POU2F1: variants seen among roughly 807,000 people sequenced by gnomAD.
The protein encoded by POU2F1 is POU domain, class 2, transcription factor 1.
POU2F1 carries 16 observed loss-of-function variants against 84.9 expected under a neutral mutation model. The observed-to-expected ratio is 0.19, with a 90% CI of 0.13 to 0.29. The LOEUF (loss-of-function observed/expected upper bound fraction) is 0.29. POU2F1 is among the 10% of genes least tolerant of loss of function. POU2F1 has a pLI of 1.00. For missense variants in POU2F1, 738 were observed against 942.6 expected (o/e 0.78, Z 2.84); for synonymous variants, 368 against 368.3 (o/e 1.00, Z 0.01).
At chr1:167,406,630 AAAAG>A (rs975002286) in intron 13 of POU2F1, among the ~76,000 whole-genome samples, 1 of 152,234 alleles carries the variant, frequency 6.6e-6, no homozygotes, top group Non-Finnish European at 1.5e-5. Context: ...ATTCACCAAA[AAAAG>A]GTATCTAGGA....
intron 1 of POU2F1, among the ~76,000 whole-genome samples, chr1:167,320,771 T>G (rs1415046867): frequency 6.6e-6 from 1 of 152,198 alleles, no homozygotes; most frequent in Non-Finnish European, 1.5e-5. Context: ...TCTATTCTAT[T>G]TATTTGAGCC....
At chr1:167,272,390 C>CAA (rs35666628) in intron 1 of POU2F1, among the ~76,000 whole-genome samples, 8 of 82,214 alleles carry the variant, frequency 9.7e-5, no homozygotes, top group Non-Finnish European at 1.8e-4. Flanking sequence ...ATTAGGATTT[C>CAA]AAAAAAAAAA....
At chr1:167,229,971 C>T (rs1648935489) in intron 1 of POU2F1, among the ~76,000 whole-genome samples, 1 of 152,228 alleles carries the variant, frequency 6.6e-6, no homozygotes, top group Non-Finnish European at 1.5e-5. Flanking sequence ...TAGCATGACT[C>T]AACAATTCCA....
intron 2 of POU2F1, among the ~76,000 whole-genome samples, chr1:167,362,906 C>A (rs1659436065): frequency 6.6e-6 from 1 of 152,064 alleles, no homozygotes; most frequent in South Asian, 2.1e-4. Flanking sequence ...CCTGACTGGG[C>A]CCTTTGCTGT....
chr1:167,268,253 C>T lies in POU2F1; in HGVS notation c.61+47295C>T, dbSNP rs1186743524. 3.3e-5 allele frequency among the ~76,000 whole-genome samples: 5 copies of T among 152,136 alleles called. No individual in the cohort carries two copies. In the East Asian group the frequency reaches 9.6e-4, roughly 29 times the overall value. On this transcript the variant is annotated intron_variant, in intron 1 of 15. Transcript: ENST00000367866. ...TATTTATCTACTTTATTATTCATTA[C>T]AATTTCTGGGAAAATTAAATTTATT...
At chr1:167,381,318 C>T (rs556208180) in intron 7 of POU2F1, among the ~76,000 whole-genome samples, 2 of 152,296 alleles carry the variant, frequency 1.3e-5, no homozygotes, top group Admixed American at 6.5e-5. Context: ...TTCCTGACCT[C>T]ATGATCCACA....
chr1:167,262,109 C>T (rs761215506), intron 1 of POU2F1, among the ~76,000 whole-genome samples: 1 of 152,162 alleles, frequency 6.6e-6, no homozygotes, highest in Non-Finnish European at 1.5e-5. Flanking sequence ...TATTTTTAAT[C>T]ATCTCTACAG....
At chr1:167,282,177 C>G (rs533318390) in intron 1 of POU2F1, among the ~76,000 whole-genome samples, 38 of 151,376 alleles carry the variant, frequency 2.5e-4, no homozygotes, top group Non-Finnish European at 4.6e-4. Context: ...GAGTCTCGCT[C>G]TGTCGCCCAG....
chr1:167,297,957 T>C (rs538786409), intron 1 of POU2F1, among the ~76,000 whole-genome samples: 27 of 144,142 alleles, frequency 1.9e-4, no homozygotes, highest in Non-Finnish European at 3.4e-4. Flanking sequence ...CCGTCTCTAC[T>C]AAAAAAAAAA....
intron 1 of POU2F1, among the ~76,000 whole-genome samples, chr1:167,228,972 A>C (rs1356623439): frequency 6.6e-6 from 1 of 152,174 alleles, no homozygotes; most frequent in Non-Finnish European, 1.5e-5. Context: ...AATAAAACTT[A>C]GATTAAGTGA....
At chr1:167,299,425 A>T (rs1160451577) in intron 1 of POU2F1, among the ~76,000 whole-genome samples, 1 of 152,184 alleles carries the variant, frequency 6.6e-6, no homozygotes, top group Admixed American at 6.5e-5. Flanking sequence ...TATTCTTCTA[A>T]AAGGAATAAA....
At chr1:167,291,625 C>G (rs1571239073) in intron 1 of POU2F1, among the ~76,000 whole-genome samples, 1 of 151,986 alleles carries the variant, frequency 6.6e-6, no homozygotes, top group South Asian at 2.1e-4. Context: ...AAAGGAGATT[C>G]TAGGGGGTAG....
intron 1 of POU2F1, among the ~76,000 whole-genome samples, chr1:167,281,771 T>C (rs1653159470): frequency 6.6e-6 from 1 of 152,196 alleles, no homozygotes. Flanking sequence ...AGCTTTAGGC[T>C]AAACTTGGTT....
At chr1:167,220,986 A>C in intron 1 of POU2F1, 28 bp downstream of exon 1, 1 of 1,526,448 alleles carries the variant, frequency 6.6e-7, no homozygotes, top group Non-Finnish European at 8.8e-7. Flanking sequence ...TTACATATTC[A>C]TATTCATACT....
intron 2 of POU2F1, among the ~76,000 whole-genome samples, chr1:167,332,757 A>C (rs1657161397): frequency 6.6e-6 from 1 of 152,230 alleles, no homozygotes; most frequent in African/African-American, 2.4e-5. Flanking sequence ...TCTATCAGAC[A>C]AACTATGCAG....
chr1:167,336,815 G>A (rs1314362332), intron 2 of POU2F1, among the ~76,000 whole-genome samples: 1 of 152,046 alleles, frequency 6.6e-6, no homozygotes, highest in Non-Finnish European at 1.5e-5. Context: ...GATTGCTTAA[G>A]CCCAGGAGTT....
intron 1 of POU2F1, among the ~76,000 whole-genome samples, chr1:167,295,359 C>CA (rs1417101175): frequency 1.1e-4 from 16 of 152,130 alleles, no homozygotes; most frequent in Non-Finnish European, 4.4e-5. Context: ...TAAAAAGGAA[C>CA]AAAATAATGT....
In POU2F1 at chr1:167,370,147, C is replaced by A; in HGVS notation, c.229-14C>A. The A allele has an allele frequency of 6.3e-7, 1 of 1,599,872 alleles. No homozygotes were observed. The highest frequency in any genetic ancestry group is 8.5e-7 in the Non-Finnish European group (1 of 1,170,322). On this transcript the variant is annotated splice_polypyrimidine_tract_variant and intron_variant, in intron 3 of 15. Transcript: ENST00000367866. ...CAACAGTATTAAACTAGAACTTCCC[C>A]TGATTACTTATAGGTCCAACTCGCT...
chr1:167,320,413 T>A (rs922299109), intron 1 of POU2F1, among the ~76,000 whole-genome samples: 4 of 152,182 alleles, frequency 2.6e-5, no homozygotes, highest in Non-Finnish European at 4.4e-5. Context: ...AGAATCTAAT[T>A]AGTTATTTTC....
Sources: allele counts gnomAD v4.1 joint callset (sites outside exome capture counted in the v4.1 genomes callset), GRCh38; gene constraint gnomAD v4.1.1; transcripts MANE v1.5; gene names NCBI Gene and HGNC (gene_info 2026-07-23, HGNC 2026-07-21).